Variants in CYP26C1 observed in about 807,000 individuals in gnomAD.
The protein encoded by CYP26C1 is cytochrome P450 family 26 subfamily C member 1.
A neutral mutation model predicts 39.1 loss-of-function variants in CYP26C1; 41 were observed. That is an observed-to-expected ratio of 1.05 (90% CI 0.82 to 1.36). The LOEUF (loss-of-function observed/expected upper bound fraction) is 1.36, where lower values mean the gene tolerates loss of function less well. Among genes scored for constraint, CYP26C1 ranks in the 40% most tolerant of loss-of-function variants. CYP26C1 has a pLI of 0.00. For missense variants in CYP26C1, 833 were observed against 752.0 expected (o/e 1.11, Z -1.26); for synonymous variants, 362 against 350.8 (o/e 1.03, Z -0.36).
intron 4 of CYP26C1, 94 bp downstream of exon 4, chr10:93,064,630 C>G: frequency 6.6e-7 from 1 of 1,516,018 alleles, no homozygotes; most frequent in Non-Finnish European, 8.8e-7. Flanking sequence ...TCTTGTGTGG[C>G]CCCACTTTGA....
At position 93,061,170 on chromosome 10, in the gene CYP26C1, CG is replaced by C. The variant is rs1328699054; in HGVS notation, c.-92del. On this transcript the variant is annotated 5_prime_UTR_variant, in exon 1 of 6. Transcript: ENST00000651965. ...CCCCAAACCCCAGGCCTTTTGCGGA[CG>C]GAACAGGTGAGCACTGCGCACTGCT... The C allele has an allele frequency of 7.9e-5, 105 of 1,327,634 alleles. No homozygotes were observed. The highest frequency in any genetic ancestry group is 1.1e-4 in the Non-Finnish European group (105 of 976,550). 82.2% of individuals were successfully genotyped at this position (1,327,634 alleles called of 1,614,324 possible).
chr10:93,061,171 G>T lies in CYP26C1; in HGVS notation c.-93G>T, dbSNP rs1228871599. The stretch of plus-strand genomic sequence containing the variant: ...CCCAAACCCCAGGCCTTTTGCGGAC[G>T]GAACAGGTGAGCACTGCGCACTGCT... On this transcript the variant is annotated 5_prime_UTR_variant, in exon 1 of 6. Coordinates refer to ENST00000651965, the MANE Select transcript of CYP26C1 (RefSeq NM_183374.3). The T allele has an allele frequency of 7.5e-7, 1 of 1,333,404 alleles. No individual in the cohort carries two copies. The highest frequency in any genetic ancestry group is 1.0e-6 in the Non-Finnish European group (1 of 981,530). 82.6% of individuals were successfully genotyped at this position (1,333,404 alleles called of 1,614,324 possible).
In CYP26C1 at chr10:93,061,273, T is replaced by G. The variant is rs1304702578; in HGVS notation, c.10T>G (p.Trp4Gly). The G allele has an allele frequency of 3.8e-6, 6 of 1,583,418 alleles. No homozygotes were observed. Among genetic ancestry groups the G allele is most frequent in the Non-Finnish European group, 5.1e-6 (6 of 1,166,694 alleles). The change falls in exon 1 of 6, where the codon TGG (tryptophan) becomes GGG (glycine). Residue 4 changes from tryptophan to glycine, a missense_variant. Trp to Gly is a radical substitution (Grantham distance 184). Coordinates refer to ENST00000651965, the MANE Select transcript of CYP26C1 (RefSeq NM_183374.3). The part of the protein sequence containing the change: MFP[W>G]GLSCLSVLGA... ...CCCCCGCGGGCTCATCATGTTCCCT[T>G]GGGGGCTGAGCTGCCTGTCAGTGCT...
intron 3 of CYP26C1, chr10:93,063,882 T>C: frequency 1.0e-6 from 1 of 986,106 alleles, no homozygotes; most frequent in Non-Finnish European, 1.2e-6. Context: ...GCTGCGGCTA[T>C]TCCCTGAACT....
At chr10:93,063,839 G>C (rs4919594) in intron 3 of CYP26C1, 292,122 of 985,474 alleles carry the variant, frequency 0.3, 45,193 homozygotes, top group East Asian at 0.78. Flanking sequence ...CTCAAGTGCT[G>C]AATTACAGTG....
Position 93,062,819 on chromosome 10 carries a change from G to GGGCC in CYP26C1, c.532_535dup (p.Val179AlafsTer76). The stretch of plus-strand genomic sequence containing the variant: ...GGTGCGCTCCTGGTGCGCGGCGGGC[G>GGGCC]GGCCGGTCTCAGTCTACGACGCCTC... On this transcript the variant is annotated frameshift_variant, in exon 3 of 6. Transcript: ENST00000651965. LOFTEE classifies it high-confidence loss of function. 2 of 1,564,864 alleles carry GGGCC rather than the reference G, an allele frequency of 1.3e-6. No individual in the cohort carries two copies. Among genetic ancestry groups the GGGCC allele is most frequent in the South Asian group, 1.1e-5 (1 of 87,100 alleles).
Position 93,062,160 on chromosome 10 carries a change from C to A in CYP26C1, c.355C>A (p.Gln119Lys). 1 of 1,540,550 alleles carries A rather than the reference C, an allele frequency of 6.5e-7. No homozygotes were observed. The highest frequency in any genetic ancestry group is 2.4e-5 in the East Asian group (1 of 40,928). ...CCGCCTGGTGCGCAGCCAGTGGCCG[C>A]AGAGTGCGCACATCCTGCTGGGCTC... is the stretch of plus-strand genomic sequence containing the variant. ...EHRLVRSQWPQSAHILLGSHT... is the reference protein window; with the variant it reads ...EHRLVRSQWPKSAHILLGSHT... Residue 119 changes from glutamine (Q) to lysine (K), a missense_variant, in exon 2 of 6, where the codon CAG becomes AAG. Coordinates refer to ENST00000651965, the MANE Select transcript of CYP26C1 (RefSeq NM_183374.3).
Position 93,062,138 on chromosome 10 carries a change from C to T in CYP26C1, c.333C>T (p.Arg111=). 1.3e-6 allele frequency: 2 copies of T among 1,546,160 alleles called. No individual in the cohort carries two copies. Among genetic ancestry groups the T allele is most frequent in the South Asian group, 1.2e-5 (1 of 84,120 alleles). ...GCACCATCCTGCTGGGCGAGCACCG[C>T]CTGGTGCGCAGCCAGTGGCCGCAGA... ...NVRTILLGEH[R]LVRSQWPQSA... is the part of the protein sequence containing the mutation. The change falls in exon 2 of 6, where the codon CGC becomes CGT. Residue 111 remains arginine (R), a synonymous_variant. Transcript: ENST00000651965.
Position 93,062,084 on chromosome 10 carries a change from G to A in CYP26C1, c.279G>A (p.Val93=), listed in dbSNP as rs1312338406. ...AGACGCACCTGCTGGGCAGGCCAGT[G>A]ATCCGCGTGAGCGGCGCGGAGAACG... is the stretch of plus-strand genomic sequence containing the variant. ...VFKTHLLGRP[V]IRVSGAENVR... Residue 93 remains valine, a synonymous_variant, in exon 2 of 6, where the codon GTG becomes GTA. Transcript: ENST00000651965. 1 of 1,577,186 alleles carries A rather than the reference G, an allele frequency of 6.3e-7. No individual in the cohort carries two copies. The highest frequency in any genetic ancestry group is 1.8e-5 in the Admixed American group (1 of 54,104).
chr10:93,063,233 G>T (rs1271482592), intron 3 of CYP26C1: 1 of 1,245,518 alleles, frequency 8.0e-7, no homozygotes, highest in Non-Finnish European at 1.0e-6. Flanking sequence ...CGTGGGACGC[G>T]CCTGCCGCGA....
rs144906308 is a variant in CYP26C1, at chr10:93,061,345, C to T, written c.82C>T (p.Leu28=). 4.4e-4 allele frequency: 697 copies of T among 1,587,874 alleles called. No homozygotes were observed. The highest frequency in any genetic ancestry group is 5.6e-4 in the Non-Finnish European group (658 of 1,167,690). Residue 28 remains leucine (L), a synonymous_variant, in exon 1 of 6, where the codon CTG becomes TTG. Transcript: ENST00000651965. ...CCTGTGCGCGGGCCTGCTGCTCAGC[C>T]TGGCCCAGCACCTCTGGACCCTCCG... The part of the protein sequence containing the change: ...ALLCAGLLLS[L]AQHLWTLRWM...
In CYP26C1 at chr10:93,067,590, T is replaced by C. The variant is rs563770530; in HGVS notation, c.1192-730T>C. 5.3e-5 allele frequency among the ~76,000 whole-genome samples: 8 copies of C among 152,330 alleles called. No homozygotes were observed. In the East Asian group the frequency reaches 1.3e-3, roughly 26 times the overall value. On this transcript the variant is annotated intron_variant, in intron 5 of 5. Coordinates refer to ENST00000651965, the MANE Select transcript of CYP26C1 (RefSeq NM_183374.3). ...AGCTCCTGGGATGATTCCAAGATGT[T>C]CTGTTCTCCAGTTAGAAACTTTGAG...
At position 93,066,238 on chromosome 10, in the gene CYP26C1, C is replaced by T; in HGVS notation, c.1144C>T (p.Pro382Ser). Reference protein sequence around the residue: ...VVKEVLRLLPPVSGGYRTALR... With the variant: ...VVKEVLRLLPSVSGGYRTALR... ...CAAGGAGGTGCTGCGCCTCCTGCCG[C>T]CAGTGTCCGGGGGCTACCGCACCGC... The change falls in exon 5 of 6, where the codon CCA (proline) becomes TCA (serine). Residue 382 changes from proline to serine, a missense_variant. Physicochemically the swap from Pro to Ser is moderately conservative, Grantham distance 74. Coordinates refer to ENST00000651965, the MANE Select transcript of CYP26C1 (RefSeq NM_183374.3). 6.8e-7 allele frequency: 1 copy of T among 1,473,022 alleles called. No homozygotes were observed. The highest frequency in any genetic ancestry group is 2.7e-5 in the East Asian group (1 of 36,620). The allele number at this position is 1,473,022 out of a possible 1,614,324, so 91.2% of individuals were successfully genotyped here. A position where few individuals can be genotyped will look rare whatever the true frequency, so the allele number is the denominator to read the frequency against.
rs978348135 is a variant in CYP26C1, at chr10:93,061,185, C to T, written c.-79C>T. 1.4e-6 allele frequency: 2 copies of T among 1,463,034 alleles called. No homozygotes were observed. Among genetic ancestry groups the T allele is most frequent in the Admixed American group, 2.0e-5 (1 of 49,396 alleles). The allele number at this position is 1,463,034 out of a possible 1,614,324, so 90.6% of individuals were successfully genotyped here. A position where few individuals can be genotyped will look rare whatever the true frequency, so the allele number is the denominator to read the frequency against. ...CTTTTGCGGACGGAACAGGTGAGCA[C>T]TGCGCACTGCTCGCGCCCCGGTTCT... On this transcript the variant is annotated 5_prime_UTR_variant, in exon 1 of 6. Transcript: ENST00000651965.
intron 3 of CYP26C1, 27 bp from the exon 4 acceptor site, chr10:93,064,354 C>T (rs1406103173): frequency 1.2e-6 from 2 of 1,603,096 alleles, no homozygotes. Flanking sequence ...CTTCCTGCCC[C>T]ATCTTTCTTC....
At position 93,061,365 on chromosome 10, in the gene CYP26C1, C is replaced by G; in HGVS notation, c.102C>G (p.Thr34=). ...TCAGCCTGGCCCAGCACCTCTGGAC[C>G]CTCCGCTGGATGCTGAGCCGGGACC... is the stretch of plus-strand genomic sequence containing the variant. The part of the protein sequence containing the change: ...LLLSLAQHLW[T]LRWMLSRDRA... Residue 34 remains threonine, a synonymous_variant, in exon 1 of 6, where the codon ACC becomes ACG. Transcript: ENST00000651965. The G allele has an allele frequency of 6.3e-7, 1 of 1,578,526 alleles. No individual in the cohort carries two copies. Among genetic ancestry groups the G allele is most frequent in the Non-Finnish European group, 8.6e-7 (1 of 1,162,512 alleles).
chr10:93,067,549 T>C (rs1371359733), intron 5 of CYP26C1, among the ~76,000 whole-genome samples: 3 of 152,120 alleles, frequency 2.0e-5, no homozygotes, highest in African/African-American at 7.2e-5. Context: ...AACACTGATG[T>C]CTAGAGAGGA....
chr10:93,062,130 G>T lies in CYP26C1; in HGVS notation c.325G>T (p.Glu109Ter), dbSNP rs1324397074. ...GAACGTGCGCACCATCCTGCTGGGC[G>T]AGCACCGCCTGGTGCGCAGCCAGTG... The part of the protein sequence containing the change: ...AENVRTILLG[E>*]HRLVRSQWPQ... The change falls in exon 2 of 6, where the codon GAG (glutamate) becomes TAG (stop). Residue 109 changes from glutamate to a stop codon, truncating the protein, a stop_gained. Transcript: ENST00000651965. LOFTEE classifies it high-confidence loss of function. 1.3e-6 allele frequency: 2 copies of T among 1,549,334 alleles called. No individual in the cohort carries two copies. Among genetic ancestry groups the T allele is most frequent in the East Asian group, 2.4e-5 (1 of 41,434 alleles).
chr10:93,065,352 A>G (rs1000435806), intron 4 of CYP26C1, among the ~76,000 whole-genome samples: 1 of 152,224 alleles, frequency 6.6e-6, no homozygotes, highest in African/African-American at 2.4e-5. Flanking sequence ...AGAGCAGACC[A>G]AGAAGACATT....
Sources: allele counts gnomAD v4.1 joint callset (sites outside exome capture counted in the v4.1 genomes callset), GRCh38; gene constraint gnomAD v4.1.1; transcripts MANE v1.5; gene names NCBI Gene and HGNC (gene_info 2026-07-23, HGNC 2026-07-21).